The following MACROD2 variants were observed in gnomAD, a reference collection of about 807,000 sequenced individuals.
MACROD2 encodes the protein ADP-ribose glycohydrolase MACROD2.
MACROD2 carries 36 observed loss-of-function variants against 70.4 expected under a neutral mutation model. That is an observed-to-expected ratio of 0.51 (90% CI 0.39 to 0.68). MACROD2 has a LOEUF of 0.68. Ranked by LOEUF, MACROD2 falls within the 30% of genes least tolerant of loss-of-function variation. The pLI, the probability that MACROD2 is intolerant of heterozygous loss-of-function variation, is 0.00. For synonymous variants in MACROD2, 172 were observed against 178.8 expected, an observed-to-expected ratio of 0.96 and a Z score of 0.30; for missense variants, 496 against 538.4, an observed-to-expected ratio of 0.92 and a Z score of 0.78.
chr20:15,556,993 T>C (rs2048176779), intron 8 of MACROD2, among the ~76,000 whole-genome samples: 1 of 152,170 alleles, frequency 6.6e-6, no homozygotes, highest in Non-Finnish European at 1.5e-5. Context: ...CATATTAGCT[T>C]GACCATTGCA....
At chr20:14,009,439 T>C (rs762739866) in intron 2 of MACROD2, among the ~76,000 whole-genome samples, 1 of 152,116 alleles carries the variant, frequency 6.6e-6, no homozygotes, top group Non-Finnish European at 1.5e-5. Flanking sequence ...CACACCAGTC[T>C]GAATGGCTAT....
intron 5 of MACROD2, among the ~76,000 whole-genome samples, chr20:14,962,876 GA>G (rs11478299): frequency 0.016 from 2,401 of 151,384 alleles, 61 homozygotes; most frequent in African/African-American, 0.053. Flanking sequence ...GTTGTTTGGG[GA>G]AAAAAAACTC....
In MACROD2 at chr20:14,548,579, G is replaced by T. The variant is rs1978431458; in HGVS notation, c.301+55071G>T. 3.8e-5 allele frequency among the ~76,000 whole-genome samples: 2 copies of T among 53,144 alleles called. 1 individual carries two copies. The allele number at this position is 53,144 out of a possible 152,430, so 34.9% of individuals were successfully genotyped here. On this transcript the variant is annotated intron_variant, in intron 4 of 17. Coordinates refer to ENST00000684519, the MANE Select transcript of MACROD2 (RefSeq NM_001351661.2). ...TAAAAATACAAAAAATTAGCCGGGC[G>T]TAGTGGCGGGCGCCTGTTGTCCCAG...
chr20:14,860,589 T>C (rs1344117522), intron 5 of MACROD2, among the ~76,000 whole-genome samples: 1 of 152,146 alleles, frequency 6.6e-6, no homozygotes, highest in Non-Finnish European at 1.5e-5. Context: ...CTTGTGCTTA[T>C]GCCCTCCAGT....
intron 6 of MACROD2, among the ~76,000 whole-genome samples, chr20:15,404,312 T>C (rs796345095): frequency 3.3e-5 from 5 of 152,368 alleles, no homozygotes; most frequent in African/African-American, 1.2e-4. Context: ...TTTAGTATTC[T>C]ATGTTATATT....
At chr20:15,779,672 T>G (rs1427667283) in intron 8 of MACROD2, among the ~76,000 whole-genome samples, 1 of 152,172 alleles carries the variant, frequency 6.6e-6, no homozygotes, top group Non-Finnish European at 1.5e-5. Context: ...CTCCACAGCC[T>G]AAGGATTCAG....
chr20:15,635,267 A>G (rs1951783234), intron 8 of MACROD2, among the ~76,000 whole-genome samples: 1 of 152,228 alleles, frequency 6.6e-6, no homozygotes, highest in African/African-American at 2.4e-5. Context: ...TGCCAGACAA[A>G]TTGAGGATCA....
In MACROD2 at chr20:14,133,410, TC is replaced by T. The variant is rs547222707; in HGVS notation, c.271+47685del. 2.3e-3 allele frequency among the ~76,000 whole-genome samples: 353 copies of T among 152,342 alleles called. 6 individuals are homozygous for T. Among genetic ancestry groups the T allele is most frequent in the African/African-American group, 8.0e-3 (332 of 41,574 alleles). ...TGATTATTTGTAAATATGTTATTTT[TC>T]CCACATTGTTCTAGACAGTGGGACA... On this transcript the variant is annotated intron_variant, in intron 3 of 17. Coordinates refer to ENST00000684519, the MANE Select transcript of MACROD2 (RefSeq NM_001351661.2).
At chr20:15,583,381 A>G (rs557074761) in intron 8 of MACROD2, among the ~76,000 whole-genome samples, 31 of 152,354 alleles carry the variant, frequency 2.0e-4, no homozygotes, top group African/African-American at 7.5e-4. Flanking sequence ...AAGTCTCGAT[A>G]TTCATCCAGC....
chr20:14,201,486 T>C (rs562825341), intron 3 of MACROD2, among the ~76,000 whole-genome samples: 2 of 152,312 alleles, frequency 1.3e-5, no homozygotes, highest in South Asian at 4.1e-4. Flanking sequence ...TCCTTGTTCT[T>C]TGAGGTTCTA....
intron 5 of MACROD2, among the ~76,000 whole-genome samples, chr20:14,993,295 T>TCACCAAAAA (rs1402326960): frequency 1.3e-4 from 19 of 151,754 alleles, no homozygotes; most frequent in African/African-American, 4.4e-4. Flanking sequence ...AGGAAAATTG[T>TCACCAAAAA]ATGAGGGAGG....
intron 3 of MACROD2, among the ~76,000 whole-genome samples, chr20:14,425,468 A>T (rs1859805143): frequency 6.6e-6 from 1 of 152,102 alleles, no homozygotes; most frequent in Non-Finnish European, 1.5e-5. Flanking sequence ...CAGCTACAAT[A>T]TTTTTTCCTT....
intron 5 of MACROD2, among the ~76,000 whole-genome samples, chr20:15,155,517 C>T (rs2076301037): frequency 6.6e-6 from 1 of 152,188 alleles, no homozygotes; most frequent in Admixed American, 6.5e-5. Context: ...CCTTTCCTTT[C>T]TTCAGATTCA....
At chr20:14,485,860 G>A (rs996769741) in intron 3 of MACROD2, among the ~76,000 whole-genome samples, 1 of 151,682 alleles carries the variant, frequency 6.6e-6, no homozygotes, top group Non-Finnish European at 1.5e-5. Flanking sequence ...ATACTTACAT[G>A]TTTTATGTTT....
intron 4 of MACROD2, among the ~76,000 whole-genome samples, chr20:14,503,582 C>T (rs1231115042): frequency 1.3e-5 from 2 of 152,156 alleles, no homozygotes; most frequent in Non-Finnish European, 2.9e-5. Context: ...GGACGTTCTC[C>T]AGGAGAAGAT....
intron 7 of MACROD2, among the ~76,000 whole-genome samples, chr20:15,436,999 A>G (rs1178182081): frequency 1.3e-5 from 2 of 152,122 alleles, no homozygotes; most frequent in African/African-American, 4.8e-5. Flanking sequence ...TTGCAGATTG[A>G]TGTTCACTCT....
At chr20:14,248,487 G>A (rs2081985246) in intron 3 of MACROD2, among the ~76,000 whole-genome samples, 1 of 152,186 alleles carries the variant, frequency 6.6e-6, no homozygotes, top group Non-Finnish European at 1.5e-5. Context: ...GGAGGCGGAG[G>A]CAGGAGAATC....
intron 5 of MACROD2, among the ~76,000 whole-genome samples, chr20:15,114,080 G>C (rs1182232397): frequency 6.6e-6 from 1 of 152,148 alleles, no homozygotes; most frequent in Non-Finnish European, 1.5e-5. Flanking sequence ...TCATCAAATT[G>C]TGACTCACAG....
At position 15,229,970 on chromosome 20, in the gene MACROD2, G is replaced by A. The variant is rs769941282; in HGVS notation, c.449G>A (p.Arg150Lys). Residue 150 changes from arginine (R) to lysine (K), a missense_variant, in exon 6 of 18, where the codon AGG becomes AAG. By Grantham distance (26) the Arg-to-Lys change is conservative. Transcript: ENST00000684519. ...YVIHTVGPIA[R>K]GHINGSHKED... ...ATCCATACTGTAGGGCCAATAGCCA[G>A]GGGCCATATTAATGGTTCCCACAAG... 32 of 1,613,614 alleles carry A rather than the reference G, an allele frequency of 2.0e-5. No individual in the cohort carries two copies. The highest frequency in any genetic ancestry group is 2.6e-5 in the Non-Finnish European group (31 of 1,179,762).
Sources: gnomAD v4.1 joint callset for allele counts (sites outside exome capture counted in the v4.1 genomes callset) on GRCh38, gnomAD v4.1.1 for gene constraint, MANE v1.5 for transcripts, NCBI Gene and HGNC (gene_info 2026-07-23, HGNC 2026-07-21) for gene names.